GRB14: variants seen among roughly 807,000 people sequenced by gnomAD.
The protein encoded by GRB14 is growth factor receptor-bound protein 14.
Under a neutral mutation model 69.1 loss-of-function variants are expected in GRB14, and 38 were observed. The observed-to-expected ratio is 0.55, with a 90% confidence interval of 0.42 to 0.72. The LOEUF (loss-of-function observed/expected upper bound fraction) is 0.72. GRB14 is among the 30% of genes least tolerant of loss of function. The probability of loss-of-function intolerance (pLI) is 0.00; values close to 1 mark genes in which losing one functional copy is unlikely to be tolerated. For missense variants in GRB14, 666 were observed against 666.1 expected, an observed-to-expected ratio of 1.00 and a Z score of 0.00; for synonymous variants, 247 against 241.3, an observed-to-expected ratio of 1.02 and a Z score of -0.22.
intron 3 of GRB14, among the ~76,000 whole-genome samples, chr2:164,531,556 T>C (rs539101501): frequency 1.3e-5 from 2 of 152,182 alleles, no homozygotes; most frequent in Non-Finnish European, 1.5e-5. Flanking sequence ...GTAGACTTTA[T>C]CAATTTTTGA....
At chr2:164,549,007 AGCTGGGATTACAGGCATGC>A (rs1688457834) in intron 2 of GRB14, among the ~76,000 whole-genome samples, 1 of 152,030 alleles carries the variant, frequency 6.6e-6, no homozygotes, top group Non-Finnish European at 1.5e-5. Context: ...CCTCCTGAGT[AGCTGGGATTACAGGCATGC>A]GCCACCACAC....
intron 6 of GRB14, among the ~76,000 whole-genome samples, chr2:164,517,665 G>A (rs1687527587): frequency 6.6e-6 from 1 of 151,880 alleles, no homozygotes; most frequent in African/African-American, 2.4e-5. Context: ...GTAAAGGGGT[G>A]GAAAAAACAT....
In GRB14 at chr2:164,527,043, C is replaced by T; in HGVS notation, c.574G>A (p.Ala192Thr). 6.3e-7 allele frequency: 1 copy of T among 1,599,254 alleles called. No homozygotes were observed. The highest frequency in any genetic ancestry group is 8.6e-7 in the Non-Finnish European group (1 of 1,169,234). The change falls in exon 4 of 14, where the codon GCC (alanine) becomes ACC (threonine). Residue 192 changes from alanine (A) to threonine (T), a missense_variant. Transcript: ENST00000263915. Reference protein sequence around the residue: ...ENKLYFRKNYAKYEFFKNPMY... With the variant: ...ENKLYFRKNYTKYEFFKNPMY... ...GGGTTTTTAAAGAACTCATATTTGG[C>T]ATAATTTTTTCTAAAGTATAGTTTG... is the stretch of plus-strand genomic sequence containing the variant.
chr2:164,532,821 A>T (rs1687982032), intron 3 of GRB14, among the ~76,000 whole-genome samples: 1 of 152,224 alleles, frequency 6.6e-6, no homozygotes, highest in African/African-American at 2.4e-5. Context: ...TAATGTAATA[A>T]GCAAGTTATA....
At chr2:164,502,173 T>G in intron 9 of GRB14, 82 bp downstream of exon 9, 1 of 659,844 alleles carries the variant, frequency 1.5e-6, no homozygotes, top group Non-Finnish European at 2.8e-6. Context: ...TAAATTATTA[T>G]AAGATACTGT....
chr2:164,585,085 CTTTTTTTTTTTTTTTTTTTTTTTTT>C (rs146962375), intron 2 of GRB14, among the ~76,000 whole-genome samples: 21 of 54,386 alleles, frequency 3.9e-4, no homozygotes, highest in African/African-American at 6.8e-4. Context: ...CCATGCCTGG[CTTTTTTTTTTTTTTTTTTTTTTTTT>C]TTTTTTTTTT....
intron 1 of GRB14, 71 bp from the exon 2 acceptor site, chr2:164,619,890 A>G (rs1690404830): frequency 7.5e-7 from 1 of 1,337,040 alleles, no homozygotes; most frequent in Non-Finnish European, 1.1e-6. Flanking sequence ...TCAGGAATAA[A>G]AAGTGTGCTA....
chr2:164,502,590 A>G (rs1214517596), intron 8 of GRB14, among the ~76,000 whole-genome samples: 1 of 151,710 alleles, frequency 6.6e-6, no homozygotes, highest in Non-Finnish European at 1.5e-5. Context: ...TGACATATCT[A>G]CTCATTATTC....
In GRB14 at chr2:164,619,828, A is replaced by G; in HGVS notation, c.192-9T>C. On this transcript the variant is annotated splice_polypyrimidine_tract_variant and intron_variant, in intron 1 of 13. Transcript: ENST00000263915. ...GATCTTTCTTTTTTCTCCTACAGTA[A>G]GAGAACATAGGATGTAATTTACATA... 1 of 1,596,430 alleles carries G rather than the reference A, an allele frequency of 6.3e-7. No individual in the cohort carries two copies. The highest frequency in any genetic ancestry group is 1.7e-4 in the Middle Eastern group (1 of 6,026).
intron 2 of GRB14, among the ~76,000 whole-genome samples, chr2:164,587,945 A>G (rs1689575572): frequency 6.6e-6 from 1 of 152,184 alleles, no homozygotes; most frequent in Non-Finnish European, 1.5e-5. Flanking sequence ...AGTGTTTGCC[A>G]TGATAATTTC....
intron 2 of GRB14, among the ~76,000 whole-genome samples, chr2:164,592,132 T>C (rs1689680535): frequency 6.6e-6 from 1 of 151,898 alleles, no homozygotes; most frequent in African/African-American, 2.4e-5. Flanking sequence ...GGTTTTTTTT[T>C]TGTTTTGTTT....
intron 2 of GRB14, among the ~76,000 whole-genome samples, chr2:164,579,688 A>AC (rs893047701): frequency 3.3e-5 from 5 of 150,816 alleles, no homozygotes; most frequent in Admixed American, 1.3e-4. Flanking sequence ...CCCGGAATAG[A>AC]TTTTTTTTTT....
At chr2:164,567,555 G>A (rs1689008236) in intron 2 of GRB14, among the ~76,000 whole-genome samples, 2 of 152,092 alleles carry the variant, frequency 1.3e-5, no homozygotes, top group Admixed American at 6.5e-5. Flanking sequence ...TTCTCAATGC[G>A]ACAGATTTGA....
chr2:164,608,265 A>T (rs1028493067), intron 2 of GRB14, among the ~76,000 whole-genome samples: 12 of 152,014 alleles, frequency 7.9e-5, no homozygotes, highest in African/African-American at 2.4e-4. Flanking sequence ...CCAGCTACTC[A>T]GGAGGCTGAG....
chr2:164,614,823 A>G (rs372275981), intron 2 of GRB14, among the ~76,000 whole-genome samples: 7 of 152,180 alleles, frequency 4.6e-5, no homozygotes, highest in South Asian at 2.1e-4. Flanking sequence ...CAAGTTCAGC[A>G]TGTCCAAAGT....
Position 164,494,602 on chromosome 2 carries a change from G to A in GRB14, c.1383-78C>T, listed in dbSNP as rs987143693. The A allele has an allele frequency of 3.6e-6, 3 of 832,752 alleles. No individual in the cohort carries two copies. The African/African-American group carries it at 5.1e-5, about 14-fold the overall frequency. 51.6% of individuals were successfully genotyped at this position (832,752 alleles called of 1,614,324 possible). A position where few individuals can be genotyped will look rare whatever the true frequency, so the allele number is the denominator to read the frequency against. On this transcript the variant is annotated intron_variant, in intron 12 of 13. Coordinates refer to ENST00000263915, the MANE Select transcript of GRB14 (RefSeq NM_004490.3). ...AGAACTATAGCATTAATAAATCCAA[G>A]AAGTGTATGCATAAATGTAGCTGGG...
intron 2 of GRB14, among the ~76,000 whole-genome samples, chr2:164,585,084 GCTTTTTTTTTTTTTTTTTTTTT>G (rs1689505829): frequency 3.2e-5 from 3 of 94,236 alleles, no homozygotes; most frequent in East Asian, 7.2e-4. Flanking sequence ...ACCATGCCTG[GCTTTTTTTTTTTTTTTTTTTTT>G]TTTTTTTTTT....
At chr2:164,509,483 TCTC>T (rs1687281795) in intron 6 of GRB14, among the ~76,000 whole-genome samples, 1 of 152,226 alleles carries the variant, frequency 6.6e-6, no homozygotes, top group Non-Finnish European at 1.5e-5. Context: ...AGCTATTTCT[TCTC>T]TGGGAAATCC....
intron 2 of GRB14, among the ~76,000 whole-genome samples, chr2:164,596,376 C>T (rs1249632479): frequency 1.3e-5 from 2 of 152,054 alleles, no homozygotes; most frequent in South Asian, 2.1e-4. Flanking sequence ...TATTTGTGCA[C>T]CAAGGAAAAT....
Sources: gnomAD v4.1 joint callset for allele counts (sites outside exome capture counted in the v4.1 genomes callset) on GRCh38, gnomAD v4.1.1 for gene constraint, MANE v1.5 for transcripts, NCBI Gene and HGNC (gene_info 2026-07-23, HGNC 2026-07-21) for gene names.